CRYBG2: variants seen among roughly 807,000 people sequenced by gnomAD.
CRYBG2 encodes the protein beta/gamma crystallin domain-containing protein 2.
A neutral mutation model predicts 153.4 loss-of-function variants in CRYBG2; 106 were observed. That is an observed-to-expected ratio of 0.69 (90% CI 0.59 to 0.81). The LOEUF (loss-of-function observed/expected upper bound fraction) is 0.81. Among genes scored for constraint, CRYBG2 ranks in the 30% least tolerant of loss-of-function variants. The pLI, the probability that CRYBG2 is intolerant of heterozygous loss-of-function variation, is 0.00. For synonymous variants in CRYBG2, 851 were observed against 877.8 expected, an observed-to-expected ratio of 0.97 and a Z score of 0.54; for missense variants, 1,996 against 2,112.0, an observed-to-expected ratio of 0.95 and a Z score of 1.08.
At chr1:26,334,266 A>T (rs1318198327) in intron 14 of CRYBG2, among the ~76,000 whole-genome samples, 4 of 152,148 alleles carry the variant, frequency 2.6e-5, no homozygotes, top group Non-Finnish European at 5.9e-5. Flanking sequence ...TCTACAAAAA[A>T]GTTAAAAAAT....
In CRYBG2 at chr1:26,346,284, C is replaced by T. The variant is rs772889962; in HGVS notation, c.374G>A (p.Arg125His). The part of the protein sequence containing the change: ...KEAVDQSDGS[R>H]QAPRTEPPCV... ...TGGGGGCTCAGTCCTGGGAGCTTGG[C>T]GGCTGCCATCACTCTGGTCCACAGC... Residue 125 changes from arginine to histidine, a missense_variant, in exon 2 of 20, where the codon CGC becomes CAC. Coordinates refer to ENST00000308182, the MANE Select transcript of CRYBG2 (RefSeq NM_001039775.4). This position sits in a 1 kb window ranked among gnomAD's most constrained non-coding sequence, Gnocchi z 4.9. The T allele has an allele frequency of 5.0e-6, 8 of 1,595,166 alleles. No homozygotes were observed. Among genetic ancestry groups the T allele is most frequent in the South Asian group, 3.3e-5 (3 of 90,700 alleles).
Position 26,336,738 on chromosome 1 carries a change from G to A in CRYBG2, c.3912-6C>T. On this transcript the variant is annotated splice_polypyrimidine_tract_variant and splice_region_variant and intron_variant, in intron 11 of 19. Coordinates refer to ENST00000308182, the MANE Select transcript of CRYBG2 (RefSeq NM_001039775.4). This position sits in a 1 kb window ranked among gnomAD's most constrained non-coding sequence, Gnocchi z 4.9. ...CCTCCTGGTAGGCCACCCACCTGCA[G>A]GAAGGGCGGGGCGCGAGTCAGCTGG... 1 of 1,583,364 alleles carries A rather than the reference G, an allele frequency of 6.3e-7. No individual in the cohort carries two copies. The highest frequency in any genetic ancestry group is 2.3e-5 in the East Asian group (1 of 43,312).
chr1:26,328,474 C>A, intron 16 of CRYBG2, 142 bp from the exon 17 acceptor site: 1 of 1,318,946 alleles, frequency 7.6e-7, no homozygotes, highest in South Asian at 1.5e-5. Context: ...GAATAGGGTT[C>A]CCAGGGCGGA....
rs372373064 is a variant in CRYBG2 at position 26,336,571 on chromosome 1, C to T, written c.4038+35G>A. Reference sequence around the variant, plus strand: ...CGCACCCGAACTCCAGGTCCCGCCACCGGGGAGGCCCCGCCCCCCGCGGCC... The same window carrying T: ...CGCACCCGAACTCCAGGTCCCGCCATCGGGGAGGCCCCGCCCCCCGCGGCC... On this transcript the variant is annotated intron_variant, in intron 12 of 19. Coordinates refer to ENST00000308182, the MANE Select transcript of CRYBG2 (RefSeq NM_001039775.4). This position sits in a 1 kb window ranked among gnomAD's most constrained non-coding sequence, Gnocchi z 4.9. 2.5e-4 allele frequency: 384 copies of T among 1,542,394 alleles called. 1 individual carries two copies. In the African/African-American group the frequency reaches 4.1e-3, roughly 16 times the overall value.
chr1:26,337,555 C>G lies in CRYBG2; in HGVS notation c.3627G>C (p.Leu1209=). The stretch of plus-strand genomic sequence containing the variant: ...GTTCTCACCAGCCTCCGAGAACTCT[C>G]AGGGACCCCACAGAGGCCAGGTGGG... ...QSPHLASVGS[L]RVLGGCWVGY... Residue 1209 remains leucine, a synonymous_variant, in exon 9 of 20, where the codon CTG becomes CTC. Transcript: ENST00000308182. 6.2e-7 allele frequency: 1 copy of G among 1,612,632 alleles called. No individual in the cohort carries two copies. The highest frequency in any genetic ancestry group is 8.5e-7 in the Non-Finnish European group (1 of 1,179,956).
At chr1:26,348,658 C>A (rs970169008) in intron 1 of CRYBG2, among the ~76,000 whole-genome samples, 1 of 151,978 alleles carries the variant, frequency 6.6e-6, no homozygotes, top group Non-Finnish European at 1.5e-5. Context: ...CAGGTTCAAG[C>A]GATTCTCCTG....
At chr1:26,330,391 T>G (rs1011718059) in intron 15 of CRYBG2, among the ~76,000 whole-genome samples, 15 of 152,194 alleles carry the variant, frequency 9.9e-5, no homozygotes, top group African/African-American at 3.6e-4. Flanking sequence ...ACCAGCTGCC[T>G]GGGGGAGAGC....
At position 26,336,368 on chromosome 1, in the gene CRYBG2, G is replaced by A. The variant is rs149208276; in HGVS notation, c.4041C>T (p.Val1347=). The A allele has an allele frequency of 4.3e-6, 7 of 1,613,224 alleles. No homozygotes were observed. Among genetic ancestry groups the A allele is most frequent in the Non-Finnish European group, 5.1e-6 (6 of 1,179,634 alleles). The change falls in exon 13 of 20, where the codon GTC becomes GTT. Residue 1347 remains valine (V), a splice_region_variant and synonymous_variant. Transcript: ENST00000308182. The surrounding 1 kb of genome is among the most constrained non-coding windows in gnomAD (Gnocchi z 4.9). ...TLASLQPVLQ[V]GEHDLHFVSK... is the part of the protein sequence containing the mutation. ...AGACGAAGTGCAGATCGTGCTCCCC[G>A]ACCTGAAGGTAGGGACCGAATCGAG...
chr1:26,326,039 C>A (rs1051249174), intron 17 of CRYBG2, among the ~76,000 whole-genome samples: 3 of 151,884 alleles, frequency 2.0e-5, no homozygotes, highest in Admixed American at 6.6e-5. Flanking sequence ...ATAGCACAAG[C>A]CATCACACCT....
At position 26,344,295 on chromosome 1, in the gene CRYBG2, G is replaced by A. The variant is rs1373124211; in HGVS notation, c.2363C>T (p.Ala788Val). Residue 788 changes from alanine to valine, a missense_variant, in exon 2 of 20, where the codon GCC becomes GTC. Transcript: ENST00000308182. ...CATGGACAGGTAGGAGGAGCGAGGG[G>A]CTCGTGGCAGCCGGTGAGTGCGGAG... ...EILRTHRLPR[A>V]PRSSYLSMYA... is the part of the protein sequence containing the mutation. The A allele has an allele frequency of 5.9e-6, 9 of 1,512,670 alleles. No individual in the cohort carries two copies. The highest frequency in any genetic ancestry group is 7.9e-6 in the Non-Finnish European group (9 of 1,132,206). 93.7% of individuals were successfully genotyped at this position (1,512,670 alleles called of 1,614,324 possible).
At chr1:26,350,047 C>T (rs1382155162) in intron 1 of CRYBG2, among the ~76,000 whole-genome samples, 1 of 151,936 alleles carries the variant, frequency 6.6e-6, no homozygotes, top group Non-Finnish European at 1.5e-5. Flanking sequence ...ACTCCTGAGC[C>T]TAAGAGATCT....
chr1:26,346,590 C>T lies in CRYBG2; in HGVS notation c.68G>A (p.Arg23Gln), dbSNP rs544722317. The T allele has an allele frequency of 6.5e-5, 104 of 1,591,584 alleles. No homozygotes were observed. The highest frequency in any genetic ancestry group is 3.3e-4 in the Middle Eastern group (2 of 6,032). ...CTCTTCCTGGGTGGGGGGCCGCTGC[C>T]GCCATGTCAATGTGGCACTTACCAC... is the stretch of plus-strand genomic sequence containing the variant. ...ARVVSATLTW[R>Q]QRPPTQEEIK... Residue 23 changes from arginine to glutamine, a missense_variant, in exon 2 of 20, where the codon CGG (arginine) becomes CAG (glutamine). Coordinates refer to ENST00000308182, the MANE Select transcript of CRYBG2 (RefSeq NM_001039775.4). The surrounding 1 kb of genome is among the most constrained non-coding windows in gnomAD (Gnocchi z 4.9).
At position 26,345,677 on chromosome 1, in the gene CRYBG2, C is replaced by G. The variant is rs1329527079; in HGVS notation, c.981G>C (p.Glu327Asp). Residue 327 changes from glutamate (E) to aspartate (D), a missense_variant, in exon 2 of 20, where the codon GAG becomes GAC. Coordinates refer to ENST00000308182, the MANE Select transcript of CRYBG2 (RefSeq NM_001039775.4). ...QGRAPDARACELWQVLGAPSS... is the reference protein window; with the variant it reads ...QGRAPDARACDLWQVLGAPSS... The stretch of plus-strand genomic sequence containing the variant: ...TGGGGGCTCCCAGCACCTGCCAGAG[C>G]TCACAGGCCCTGGCATCCGGGGCTC... The G allele has an allele frequency of 6.3e-7, 1 of 1,598,586 alleles. No individual in the cohort carries two copies. Among genetic ancestry groups the G allele is most frequent in the South Asian group, 1.1e-5 (1 of 91,060 alleles).
chr1:26,350,212 A>C (rs116090258), intron 1 of CRYBG2, among the ~76,000 whole-genome samples: 6 of 152,254 alleles, frequency 3.9e-5, no homozygotes, highest in Non-Finnish European at 8.8e-5. Context: ...CTCTGCAGAG[A>C]ATCACCAACA....
In CRYBG2 at chr1:26,336,654, G is replaced by C. The variant is rs2074061045; in HGVS notation, c.3990C>G (p.Asp1330Glu). 6.4e-7 allele frequency: 1 copy of C among 1,552,394 alleles called. No homozygotes were observed. Among genetic ancestry groups the C allele is most frequent in the South Asian group, 1.2e-5 (1 of 84,274 alleles). Residue 1330 changes from aspartate to glutamate, a missense_variant, in exon 12 of 20, where the codon GAC becomes GAG. Transcript: ENST00000308182. The surrounding 1 kb of genome is among the most constrained non-coding windows in gnomAD (Gnocchi z 4.9). ...LEKGVYRNCE[D>E]WGAGNSTLAS... ...CGAGGGTGCTGTTGCCAGCGCCCCA[G>C]TCCTCGCAGTTACGATACACGCCCT... is the stretch of plus-strand genomic sequence containing the variant.
chr1:26,336,029 G>T lies in CRYBG2; in HGVS notation c.4184+66C>A, dbSNP rs2074048868. 1.6e-6 allele frequency: 2 copies of T among 1,271,156 alleles called. No homozygotes were observed. The highest frequency in any genetic ancestry group is 1.5e-5 in the African/African-American group (1 of 65,844). The allele number at this position is 1,271,156 out of a possible 1,614,324, so 78.7% of individuals were successfully genotyped here. Reference sequence around the variant, plus strand: ...GCCAAAGGAAGGAAATCATTTGAAAGACTCTCCTCCTGCAGCCCCGCCTCT... The same window carrying T: ...GCCAAAGGAAGGAAATCATTTGAAATACTCTCCTCCTGCAGCCCCGCCTCT... On this transcript the variant is annotated intron_variant, in intron 14 of 19. Coordinates refer to ENST00000308182, the MANE Select transcript of CRYBG2 (RefSeq NM_001039775.4). The surrounding 1 kb of genome is among the most constrained non-coding windows in gnomAD (Gnocchi z 4.9).
intron 1 of CRYBG2, among the ~76,000 whole-genome samples, chr1:26,347,558 G>A (rs944432523): frequency 3.5e-4 from 52 of 150,670 alleles, no homozygotes; most frequent in Non-Finnish European, 4.7e-4. Context: ...GCATGATCTC[G>A]GCTCACTGCA....
chr1:26,350,796 G>C (rs1004088261), intron 1 of CRYBG2, among the ~76,000 whole-genome samples: 1 of 151,986 alleles, frequency 6.6e-6, no homozygotes, highest in Admixed American at 6.6e-5. Context: ...TGTTCAGCCC[G>C]AGTCTTTGGG....
In CRYBG2 at chr1:26,346,371, A is replaced by T; in HGVS notation, c.287T>A (p.Ile96Asn). 6.3e-7 allele frequency: 1 copy of T among 1,599,390 alleles called. No individual in the cohort carries two copies. The highest frequency in any genetic ancestry group is 8.5e-7 in the Non-Finnish European group (1 of 1,179,726). Residue 96 changes from isoleucine (I) to asparagine (N), a missense_variant, in exon 2 of 20, where the codon ATC (isoleucine) becomes AAC (asparagine). Physicochemically the swap from Ile to Asn is moderately radical, Grantham distance 149. Coordinates refer to ENST00000308182, the MANE Select transcript of CRYBG2 (RefSeq NM_001039775.4). The surrounding 1 kb of genome is among the most constrained non-coding windows in gnomAD (Gnocchi z 4.9). ...GSKNFQSHGPIFSKKYIPPPK... is the reference protein window; with the variant it reads ...GSKNFQSHGPNFSKKYIPPPK... ...AGGTGGTATGTACTTCTTGGAAAAG[A>T]TGGGTCCATGGCTCTGGAAGTTCTT...
Sources: gnomAD v4.1 joint callset for allele counts (sites outside exome capture counted in the v4.1 genomes callset) on GRCh38, gnomAD v4.1.1 for gene constraint, Gnocchi (gnomAD v3.1) non-coding constraint, MANE v1.5 for transcripts, NCBI Gene and HGNC (gene_info 2026-07-23, HGNC 2026-07-21) for gene names.